RIMKLB: variants seen among roughly 807,000 people sequenced by gnomAD.
The protein encoded by RIMKLB is beta-citrylglutamate synthase B.
Under a neutral mutation model 32.0 loss-of-function variants are expected in RIMKLB, and 7 were observed. The observed-to-expected ratio is 0.22, with a 90% CI of 0.12 to 0.41. The LOEUF (loss-of-function observed/expected upper bound fraction) is 0.41. Among genes scored for constraint, RIMKLB ranks in the 10% least tolerant of loss-of-function variants. The pLI is 1.00. For synonymous variants in RIMKLB, 172 were observed against 185.1 expected (o/e 0.93, Z 0.57); for missense variants, 289 against 498.7 (o/e 0.58, Z 4.00).
At chr12:8,679,318 G>T (rs1360887296), upstream of RIMKLB, 2 of 152,280 alleles carry the variant, frequency 1.3e-5, no homozygotes, top group African/African-American at 4.8e-5. Flanking sequence ...GAGGAGCTGG[G>T]ATTACAGGCA....
intron 1 of RIMKLB, among the ~76,000 whole-genome samples, chr12:8,687,960 G>A (rs966634675): frequency 6.6e-6 from 1 of 152,106 alleles, no homozygotes; most frequent in African/African-American, 2.4e-5. Context: ...GGGAGTCATT[G>A]CCAGGCAGCA....
At position 8,712,336 on chromosome 12, in the gene RIMKLB, C is replaced by A. The variant is rs530198918; in HGVS notation, c.-56-1475C>A. Among the ~76,000 whole-genome samples the A allele has an allele frequency of 3.3e-5, 5 of 152,134 alleles. No individual in the cohort carries two copies. In the East Asian group the frequency reaches 9.7e-4, roughly 29 times the overall value. On this transcript the variant is annotated intron_variant, in intron 1 of 5. Transcript: ENST00000535829. ...CTGAGGCAGGATAATCACTTGAACCCGGGAAGCGGAGGTTCCAGCAAGCCT... is the reference window on the plus strand; with the variant it reads ...CTGAGGCAGGATAATCACTTGAACCAGGGAAGCGGAGGTTCCAGCAAGCCT...
intron 5 of RIMKLB, among the ~76,000 whole-genome samples, chr12:8,771,067 G>A (rs1249847620): frequency 5.9e-5 from 9 of 152,198 alleles, no homozygotes; most frequent in Non-Finnish European, 1.2e-4. Flanking sequence ...CCACCCTTCA[G>A]GAGCCTCTAC....
intron 1 of RIMKLB, among the ~76,000 whole-genome samples, chr12:8,689,783 C>T (rs1057210659): frequency 5.9e-5 from 9 of 152,058 alleles, no homozygotes; most frequent in Admixed American, 2.6e-4. Flanking sequence ...CCTGGGAGAA[C>T]GCAGGCTGGG....
At chr12:8,727,498 G>T (rs1283589670) in intron 2 of RIMKLB, among the ~76,000 whole-genome samples, 1 of 152,126 alleles carries the variant, frequency 6.6e-6, no homozygotes, top group African/African-American at 2.4e-5. Context: ...CGGCCTCCCA[G>T]AGTGCTGGGA....
At chr12:8,757,585 GT>G (rs1949160891) in intron 5 of RIMKLB, among the ~76,000 whole-genome samples, 1 of 151,660 alleles carries the variant, frequency 6.6e-6, no homozygotes, top group Non-Finnish European at 1.5e-5. Flanking sequence ...ATAGTTATCT[GT>G]TTACTCTCTC....
intron 2 of RIMKLB, among the ~76,000 whole-genome samples, chr12:8,714,896 A>G (rs755354311): frequency 2.0e-5 from 3 of 152,200 alleles, no homozygotes; most frequent in Non-Finnish European, 1.5e-5. Flanking sequence ...GACTAGAATT[A>G]TACTAAGCCC....
upstream of RIMKLB, among the ~76,000 whole-genome samples, chr12:8,693,320 C>T (rs1942785343): frequency 6.6e-6 from 1 of 152,000 alleles, no homozygotes; most frequent in Admixed American, 6.6e-5. Context: ...TATAGGCCTT[C>T]CCCCAGTACC....
chr12:8,753,840 C>A, intron 4 of RIMKLB, 50 bp from the exon 5 acceptor site: 2 of 1,412,432 alleles, frequency 1.4e-6, no homozygotes, highest in Non-Finnish European at 2.0e-6. Context: ...TAGGTATCAT[C>A]TGCCCACAAT....
intron 1 of RIMKLB, among the ~76,000 whole-genome samples, chr12:8,687,612 C>T (rs1047800782): frequency 1.3e-5 from 2 of 152,104 alleles, no homozygotes; most frequent in African/African-American, 2.4e-5. Context: ...GAAATTTCTA[C>T]CAGGGCTCCC....
Position 8,748,571 on chromosome 12 carries a change from T to TAC in RIMKLB, c.176-1287_176-1286dup, listed in dbSNP as rs1555168509. Among the ~76,000 whole-genome samples the TAC allele has an allele frequency of 7.4e-4, 111 of 149,004 alleles. 2 individuals carry two copies. The South Asian group carries it at 0.022, about 29-fold the overall frequency. ...GTGTGTGTGTGTGCATATATATATA[T>TAC]ACACAAAATTTATATTCATACACAA... On this transcript the variant is annotated intron_variant, in intron 2 of 5. Transcript: ENST00000535829.
At chr12:8,780,919 T>C (rs1442540151), downstream of RIMKLB, among the ~76,000 whole-genome samples, 1 of 152,228 alleles carries the variant, frequency 6.6e-6, no homozygotes, top group Non-Finnish European at 1.5e-5. Flanking sequence ...TATGTAAAAT[T>C]AGGATTTTTC....
chr12:8,723,188 TTGTG>T (rs1188854258), intron 2 of RIMKLB, among the ~76,000 whole-genome samples: 1 of 152,196 alleles, frequency 6.6e-6, no homozygotes, highest in Non-Finnish European at 1.5e-5. Context: ...AAGTAAGAGA[TTGTG>T]TGACTCTTTT....
intron 1 of RIMKLB, among the ~76,000 whole-genome samples, chr12:8,701,358 A>G (rs1048296818): frequency 6.6e-6 from 1 of 152,156 alleles, no homozygotes; most frequent in Non-Finnish European, 1.5e-5. Flanking sequence ...GGTTTGTAGA[A>G]AAGTACTGAC....
chr12:8,699,320 T>A (rs1943180477), intron 1 of RIMKLB, among the ~76,000 whole-genome samples: 1 of 152,234 alleles, frequency 6.6e-6, no homozygotes, highest in Non-Finnish European at 1.5e-5. Context: ...AATTATTAAC[T>A]ATAACCATTT....
chr12:8,767,122 G>A (rs779891788), intron 5 of RIMKLB, among the ~76,000 whole-genome samples: 2 of 152,228 alleles, frequency 1.3e-5, no homozygotes, highest in Admixed American at 1.3e-4. Flanking sequence ...ACAGGGTCAC[G>A]GAGAAGACCT....
chr12:8,760,961 T>A (rs180767449), intron 5 of RIMKLB, among the ~76,000 whole-genome samples: 1 of 152,314 alleles, frequency 6.6e-6, no homozygotes, highest in Non-Finnish European at 1.5e-5. Context: ...ACCAGAAAGG[T>A]TCACAGCTCA....
At chr12:8,735,893 G>A (rs1484704916) in intron 2 of RIMKLB, among the ~76,000 whole-genome samples, 1 of 151,720 alleles carries the variant, frequency 6.6e-6, no homozygotes, top group Non-Finnish European at 1.5e-5. Flanking sequence ...GCCACGCCCC[G>A]CTAATTTTGT....
At chr12:8,698,715 C>CCTCA (rs11275581) in intron 1 of RIMKLB, among the ~76,000 whole-genome samples, 1 of 151,412 alleles carries the variant, frequency 6.6e-6, no homozygotes, top group Non-Finnish European at 1.5e-5. Context: ...CCTCCCCCCC[C>CCTCA]TTCCCACAAA....
Sources: gnomAD v4.1 joint callset for allele counts (sites outside exome capture counted in the v4.1 genomes callset) on GRCh38, gnomAD v4.1.1 for gene constraint, MANE v1.5 for transcripts, NCBI Gene and HGNC (gene_info 2026-07-23, HGNC 2026-07-21) for gene names.